Variants in SH3KBP1 observed in about 807,000 individuals in gnomAD.
SH3KBP1 encodes SH3 domain-containing kinase-binding protein 1.
A neutral mutation model predicts 50.1 loss-of-function variants in SH3KBP1; 8 were observed. The observed-to-expected ratio is 0.16, with a 90% CI of 0.09 to 0.29. The LOEUF (loss-of-function observed/expected upper bound fraction) is 0.29. Ranked by LOEUF, SH3KBP1 falls within the 10% of genes least tolerant of loss-of-function variation. The pLI is 1.00. For synonymous variants in SH3KBP1, 227 were observed against 218.6 expected (o/e 1.04, Z -0.34); for missense variants, 377 against 535.2 (o/e 0.70, Z 2.92).
chrX:19,775,661 G>A (rs1452881056), intron 2 of SH3KBP1, among the ~76,000 whole-genome samples: 1 of 111,270 alleles, frequency 9.0e-6, no homozygotes, highest in African/African-American at 3.3e-5. Context: ...GAGTACGCAG[G>A]CCCTGGACAC....
At chrX:19,767,372 A>G (rs1440537850) in intron 2 of SH3KBP1, among the ~76,000 whole-genome samples, 1 of 112,444 alleles carries the variant, frequency 8.9e-6, no homozygotes, top group Non-Finnish European at 1.9e-5. Flanking sequence ...TTTCTTTCCT[A>G]AGAAGCCACA....
intron 9 of SH3KBP1, among the ~76,000 whole-genome samples, chrX:19,602,169 T>C (rs1003688418): frequency 1.8e-4 from 20 of 111,010 alleles, no homozygotes; most frequent in African/African-American, 6.6e-4. Context: ...AAGGACAATC[T>C]GACAGGAGGC....
intron 8 of SH3KBP1, among the ~76,000 whole-genome samples, chrX:19,614,480 C>G (rs903310328): frequency 8.9e-6 from 1 of 112,015 alleles, no homozygotes; most frequent in Middle Eastern, 4.6e-3. Context: ...ATGAGTGGCT[C>G]TCACACCTGT....
chrX:19,886,310 T>C (rs749924898), intron 1 of SH3KBP1, among the ~76,000 whole-genome samples: 2 of 112,330 alleles, frequency 1.8e-5, no homozygotes, highest in East Asian at 5.6e-4. Flanking sequence ...CACTTTATTA[T>C]GATTTATTAT....
chrX:19,828,056 G>C (rs1395920561), intron 2 of SH3KBP1, among the ~76,000 whole-genome samples: 1 of 110,336 alleles, frequency 9.1e-6, no homozygotes, highest in Non-Finnish European at 1.9e-5. Flanking sequence ...AATGTAACTT[G>C]ATTTAACTAA....
chrX:19,841,862 G>C (rs1038235745), intron 1 of SH3KBP1, among the ~76,000 whole-genome samples: 1 of 85,848 alleles, frequency 1.2e-5, no homozygotes, highest in Non-Finnish European at 2.1e-5. Flanking sequence ...AGAGAAAGCA[G>C]AGAAACCTGA....
At chrX:19,561,080 A>G (rs2065664377) in intron 13 of SH3KBP1, among the ~76,000 whole-genome samples, 1 of 107,858 alleles carries the variant, frequency 9.3e-6, no homozygotes, top group African/African-American at 3.4e-5. Flanking sequence ...TCTAAAAAAA[A>G]AAAAAAAAAA....
At chrX:19,816,334 A>AT (rs1400743997) in intron 2 of SH3KBP1, among the ~76,000 whole-genome samples, 2 of 111,569 alleles carry the variant, frequency 1.8e-5, no homozygotes, top group African/African-American at 6.5e-5. Context: ...CTGTTCGTGT[A>AT]TTTCACCCAT....
chrX:19,779,699 T>G (rs1439628821), intron 2 of SH3KBP1, among the ~76,000 whole-genome samples: 3 of 106,360 alleles, frequency 2.8e-5, no homozygotes. Flanking sequence ...GTTCTTACAA[T>G]AGTTGACTGA....
chrX:19,628,577 T>C (rs1020047581), intron 8 of SH3KBP1, among the ~76,000 whole-genome samples: 3 of 111,555 alleles, frequency 2.7e-5, no homozygotes, highest in African/African-American at 9.8e-5. Context: ...GAATGCTAGG[T>C]TAAGGCTGGC....
chrX:19,632,307 T>G (rs970425470), intron 7 of SH3KBP1, among the ~76,000 whole-genome samples: 1 of 112,161 alleles, frequency 8.9e-6, no homozygotes, highest in South Asian at 3.7e-4. Context: ...TAAACATATA[T>G]AGTCTACAGA....
chrX:19,737,370 T>C (rs2064619926), intron 3 of SH3KBP1, among the ~76,000 whole-genome samples: 1 of 111,380 alleles, frequency 9.0e-6, no homozygotes, highest in African/African-American at 3.3e-5. Context: ...TGTCAATAAG[T>C]GGGTCCCTCT....
chrX:19,784,786 G>A (rs919168515), intron 2 of SH3KBP1, among the ~76,000 whole-genome samples: 4 of 109,951 alleles, frequency 3.6e-5, no homozygotes, highest in Non-Finnish European at 7.6e-5. Flanking sequence ...TATATTTTTA[G>A]TAGAGATGGA....
intron 2 of SH3KBP1, among the ~76,000 whole-genome samples, chrX:19,756,027 C>T (rs1193713623): frequency 2.7e-5 from 3 of 110,624 alleles, no homozygotes; most frequent in African/African-American, 9.9e-5. Flanking sequence ...CTTGCCGATG[C>T]TCCTGGCCGA....
rs1244167779 is a variant in SH3KBP1 at position 19,534,173 on chromosome X, T to C, written c.*2244A>G. The C allele has an allele frequency of 9.0e-6, 1 of 110,682 alleles. No individual in the cohort carries two copies. Among genetic ancestry groups the C allele is most frequent in the Admixed American group, 9.7e-5 (1 of 10,350 alleles). 9.1% of individuals were successfully genotyped at this position (110,682 alleles called of 1,213,427 possible). On this transcript the variant is annotated 3_prime_UTR_variant, in exon 18 of 18. Coordinates refer to ENST00000397821, the MANE Select transcript of SH3KBP1 (RefSeq NM_031892.3). ...TTTCAACATTCTCGATGGGTCCATTTTGTAAAGAGTAAAGATGGTGGCAGT... is the reference window on the plus strand; with the variant it reads ...TTTCAACATTCTCGATGGGTCCATTCTGTAAAGAGTAAAGATGGTGGCAGT...
intron 6 of SH3KBP1, among the ~76,000 whole-genome samples, chrX:19,646,832 T>C (rs2062002216): frequency 8.9e-6 from 1 of 111,986 alleles, no homozygotes; most frequent in Non-Finnish European, 1.9e-5. Context: ...CATTTTTATT[T>C]AGTGCCGCAG....
intron 2 of SH3KBP1, among the ~76,000 whole-genome samples, chrX:19,757,166 G>A (rs868063271): frequency 3.6e-5 from 1 of 27,826 alleles, no homozygotes; most frequent in African/African-American, 1.6e-4. Context: ...TTTTTTTTTT[G>A]CAAACAAGTG....
chrX:19,844,366 G>A (rs73443538), intron 1 of SH3KBP1, among the ~76,000 whole-genome samples: 2,440 of 111,683 alleles, frequency 0.022, 45 homozygotes, highest in African/African-American at 0.064. Context: ...TACTGACCTC[G>A]AACTATACCT....
chrX:19,802,469 C>T (rs1003290698), intron 2 of SH3KBP1, among the ~76,000 whole-genome samples: 3 of 111,449 alleles, frequency 2.7e-5, no homozygotes, highest in East Asian at 5.6e-4. Flanking sequence ...CCACATGTGA[C>T]GGTGCGGCAT....
Sources: gnomAD v4.1 joint callset for allele counts (sites outside exome capture counted in the v4.1 genomes callset) on GRCh38, gnomAD v4.1.1 for gene constraint, MANE v1.5 for transcripts, NCBI Gene and HGNC (gene_info 2026-07-23, HGNC 2026-07-21) for gene names.